APBA2: variants seen among roughly 807,000 people sequenced by gnomAD.
APBA2 encodes the protein amyloid-beta A4 precursor protein-binding family A member 2.
APBA2 carries 30 observed loss-of-function variants against 75.0 expected under a neutral mutation model. The ratio of observed to expected loss-of-function variants is 0.40; its 90% CI spans 0.30 to 0.54. The LOEUF is 0.54. Among genes scored for constraint, APBA2 ranks in the 20% least tolerant of loss-of-function variants. The pLI is 0.49. For synonymous variants in APBA2, 444 were observed against 409.6 expected, an observed-to-expected ratio of 1.08 and a Z score of -1.01; for missense variants, 801 against 1,016.1, an observed-to-expected ratio of 0.79 and a Z score of 2.88.
In APBA2 at chr15:28,957,494, A is replaced by G. The variant is rs565978356; in HGVS notation, c.-95+35745A>G. Reference sequence around the variant, plus strand: ...ATAGCATTTTCCAAAGGGGCTGCACACCATTTTACATTCCTACCCACCGTG... The same window carrying G: ...ATAGCATTTTCCAAAGGGGCTGCACGCCATTTTACATTCCTACCCACCGTG... On this transcript the variant is annotated intron_variant, in intron 2 of 14. Transcript: ENST00000683413. 2.6e-5 allele frequency among the ~76,000 whole-genome samples: 4 copies of G among 152,174 alleles called. No individual in the cohort carries two copies. The South Asian group carries it at 8.3e-4, about 32-fold the overall frequency.
At chr15:29,051,604 G>C (rs184150205) in intron 3 of APBA2, among the ~76,000 whole-genome samples, 1 of 152,082 alleles carries the variant, frequency 6.6e-6, no homozygotes, top group Non-Finnish European at 1.5e-5. Flanking sequence ...CTCCTTCTTC[G>C]TTCTTTTGGG....
At chr15:29,092,155 G>A (rs188126807) in intron 6 of APBA2, among the ~76,000 whole-genome samples, 8 of 152,202 alleles carry the variant, frequency 5.3e-5, no homozygotes, top group Non-Finnish European at 1.0e-4. Flanking sequence ...TACTGTCTAC[G>A]GCTACCTTTA....
intron 2 of APBA2, among the ~76,000 whole-genome samples, chr15:28,973,526 A>G (rs1177813345): frequency 9.9e-5 from 15 of 152,238 alleles, no homozygotes; most frequent in Admixed American, 9.8e-4. Context: ...GTTAAAAATT[A>G]GCCACATTAT....
At chr15:28,964,942 T>C (rs1038817640) in intron 2 of APBA2, among the ~76,000 whole-genome samples, 1 of 152,142 alleles carries the variant, frequency 6.6e-6, no homozygotes, top group Non-Finnish European at 1.5e-5. Flanking sequence ...AACTTGACCC[T>C]TGACAGAATG....
rs775457181 is a variant in APBA2 at position 29,054,711 on chromosome 15, G to A, written c.827G>A (p.Arg276Lys). 6.2e-7 allele frequency: 1 copy of A among 1,613,658 alleles called. No individual in the cohort carries two copies. The highest frequency in any genetic ancestry group is 8.5e-7 in the Non-Finnish European group (1 of 1,180,010). Residue 276 changes from arginine (R) to lysine (K), a missense_variant, in exon 4 of 15, where the codon AGG becomes AAG. Around this residue, in one of 2 missense-constraint regions of APBA2, gnomAD observed 434 missense variants for 471.6 expected, o/e 0.92. Coordinates refer to ENST00000683413, the MANE Select transcript of APBA2 (RefSeq NM_001353788.2). This position sits in a 1 kb window ranked among gnomAD's most constrained non-coding sequence, Gnocchi z 6.1. ...PPIKASCSPS[R>K]HEARPKSLNL... ...ATCAAGGCCAGCTGCAGCCCCAGCA[G>A]GCACGAGGCGAGGCCCAAGTCGCTG...
At chr15:28,979,711 A>T (rs1171358086) in intron 2 of APBA2, among the ~76,000 whole-genome samples, 1 of 152,172 alleles carries the variant, frequency 6.6e-6, no homozygotes, top group Non-Finnish European at 1.5e-5. Context: ...TTGGCAGGGC[A>T]GCCAAGTTGG....
intron 6 of APBA2, among the ~76,000 whole-genome samples, chr15:29,086,649 C>A (rs1187459285): frequency 6.6e-6 from 1 of 152,152 alleles, no homozygotes; most frequent in Non-Finnish European, 1.5e-5. Context: ...ATTGTAGATA[C>A]AGATTATGAT....
intron 3 of APBA2, among the ~76,000 whole-genome samples, chr15:29,018,252 G>A (rs987124957): frequency 6.6e-6 from 1 of 152,142 alleles, no homozygotes; most frequent in Non-Finnish European, 1.5e-5. Context: ...AGGGCTGAGC[G>A]TTGTATAGTC....
At chr15:28,963,048 A>C (rs1372976952) in intron 2 of APBA2, among the ~76,000 whole-genome samples, 2 of 152,190 alleles carry the variant, frequency 1.3e-5, no homozygotes, top group Non-Finnish European at 2.9e-5. Flanking sequence ...GGTGGGTGGC[A>C]GGTGCACTGG....
chr15:28,955,110 C>G lies in APBA2; in HGVS notation c.-95+33361C>G, dbSNP rs2036097341. On this transcript the variant is annotated intron_variant, in intron 2 of 14. Coordinates refer to ENST00000683413, the MANE Select transcript of APBA2 (RefSeq NM_001353788.2). ...GTGAACAGAGCCTAGAATTATAGGA[C>G]TTTGTCAGACAGTTTGATTTTCAAC... Among the ~76,000 whole-genome samples, 3 of 152,118 alleles carry G rather than the reference C, an allele frequency of 2.0e-5. No individual in the cohort carries two copies. In the South Asian group the frequency reaches 6.2e-4, roughly 32 times the overall value.
chr15:29,022,662 G>A (rs767885229), intron 3 of APBA2, among the ~76,000 whole-genome samples: 27 of 152,126 alleles, frequency 1.8e-4, no homozygotes, highest in Admixed American at 3.9e-4. Context: ...GTATACTCTC[G>A]TGGAATAAAA....
chr15:28,988,319 A>G (rs1451666723), intron 2 of APBA2, among the ~76,000 whole-genome samples: 32 of 148,712 alleles, frequency 2.2e-4, no homozygotes, highest in Admixed American at 1.3e-4. Flanking sequence ...GCTGGAGTGC[A>G]GTGGCGTGAT....
At chr15:28,942,060 C>T (rs1343705635) in intron 2 of APBA2, among the ~76,000 whole-genome samples, 4 of 152,224 alleles carry the variant, frequency 2.6e-5, no homozygotes, top group South Asian at 4.1e-4. Context: ...CGCCTGGCCT[C>T]ATAGCCATTT....
At chr15:29,114,312 T>C (rs868440452) in intron 14 of APBA2, among the ~76,000 whole-genome samples, 2 of 152,236 alleles carry the variant, frequency 1.3e-5, no homozygotes, top group Admixed American at 1.3e-4. Flanking sequence ...CACACAGCTC[T>C]GGCCACCCTG....
intron 1 of APBA2, among the ~76,000 whole-genome samples, chr15:28,912,696 G>T (rs1190695298): frequency 6.6e-6 from 1 of 152,216 alleles, no homozygotes; most frequent in Admixed American, 6.5e-5. Context: ...CTCATTTCTG[G>T]CAGGCACCCC....
intron 3 of APBA2, among the ~76,000 whole-genome samples, chr15:29,018,009 G>T (rs142678352): frequency 6.6e-6 from 1 of 151,838 alleles, no homozygotes; most frequent in Non-Finnish European, 1.5e-5. Context: ...TTGTTAATTC[G>T]CATTGAGAAG....
chr15:28,931,140 C>T (rs1336383646), intron 2 of APBA2, among the ~76,000 whole-genome samples: 1 of 152,370 alleles, frequency 6.6e-6, no homozygotes, highest in South Asian at 2.1e-4. Flanking sequence ...AGTCCCTGCT[C>T]CTCTTCTGGT....
intron 1 of APBA2, among the ~76,000 whole-genome samples, chr15:28,891,637 T>C (rs1328101854): frequency 2.0e-5 from 3 of 152,216 alleles, no homozygotes; most frequent in Non-Finnish European, 4.4e-5. Flanking sequence ...GAAGCCAACA[T>C]GGATTCTTAG....
intron 2 of APBA2, among the ~76,000 whole-genome samples, chr15:28,988,507 G>A (rs748192886): frequency 2.6e-5 from 4 of 152,038 alleles, no homozygotes; most frequent in African/African-American, 4.8e-5. Flanking sequence ...CAAGTGATCC[G>A]CCTACCTTGG....
Sources: gnomAD v4.1 joint callset for allele counts (sites outside exome capture counted in the v4.1 genomes callset) on GRCh38, gnomAD v4.1.1 for gene constraint, gnomAD v4.1.1 regional missense constraint, Gnocchi (gnomAD v3.1) non-coding constraint, MANE v1.5 for transcripts, NCBI Gene and HGNC (gene_info 2026-07-23, HGNC 2026-07-21) for gene names.